The following KNDC1 variants were observed in gnomAD, a reference collection of about 807,000 sequenced individuals.
KNDC1 encodes kinase non-catalytic C-lobe domain-containing protein 1.
In KNDC1, 106 loss-of-function variants were observed where a neutral mutation model predicts 172.8. The ratio of observed to expected loss-of-function variants is 0.61; its 90% CI spans 0.52 to 0.72. KNDC1 has a LOEUF of 0.72. Ranked by LOEUF, KNDC1 falls within the 30% of genes least tolerant of loss-of-function variation. The probability of loss-of-function intolerance (pLI) is 0.00; values close to 1 mark genes in which losing one functional copy is unlikely to be tolerated. For missense variants in KNDC1, 2,325 were observed against 2,394.5 expected (o/e 0.97, Z 0.61); for synonymous variants, 1,083 against 1,062.2 (o/e 1.02, Z -0.38).
At position 133,219,090 on chromosome 10, in the gene KNDC1, G is replaced by A; in HGVS notation, c.4860G>A (p.Glu1620=). 1 of 1,613,574 alleles carries A rather than the reference G, an allele frequency of 6.2e-7. No homozygotes were observed. The highest frequency in any genetic ancestry group is 8.5e-7 in the Non-Finnish European group (1 of 1,179,834). ...AEVMEELKAV[E]VFLKSDSLCL... ...TCATGGAGGAGCTGAAAGCCGTGGA[G>A]GTACCAGCACTTTACGTGGCCGGGC... is the stretch of plus-strand genomic sequence containing the variant. Residue 1620 remains glutamate, a splice_region_variant and synonymous_variant, in exon 28 of 30, where the codon GAG becomes GAA. Transcript: ENST00000304613.
At chr10:133,190,296 CCACCCTGCATTAAACACCCTGCAGTAAG>C (rs1208217509) in intron 9 of KNDC1, among the ~76,000 whole-genome samples, 2,472 of 136,030 alleles carry the variant, frequency 0.018, 74 homozygotes, top group African/African-American at 0.083. Context: ...CCTGCGCTAA[CCACCCTGCATTAAACACCCTGCAGTAAG>C]CACCCTGCAC....
chr10:133,193,007 ACCT>A (rs1417377103), intron 9 of KNDC1, among the ~76,000 whole-genome samples: 2 of 152,176 alleles, frequency 1.3e-5, no homozygotes, highest in African/African-American at 2.4e-5. Context: ...TCATAGTCAA[ACCT>A]CTGAATACTA....
chr10:133,222,490 GGTGTGTGTGT>G (rs372988806), intron 29 of KNDC1, among the ~76,000 whole-genome samples: 5 of 22,172 alleles, frequency 2.3e-4, no homozygotes, highest in Non-Finnish European at 4.2e-4. Flanking sequence ...TGCTCTTCCC[GGTGTGTGTGT>G]GTGTGTGTGA....
In KNDC1 at chr10:133,212,735, C is replaced by T; in HGVS notation, c.4256C>T (p.Pro1419Leu). 1 of 1,613,142 alleles carries T rather than the reference C, an allele frequency of 6.2e-7. No individual in the cohort carries two copies. The highest frequency in any genetic ancestry group is 8.5e-7 in the Non-Finnish European group (1 of 1,179,750). Residue 1419 changes from proline (P) to leucine (L), a missense_variant, in exon 24 of 30, where the codon CCC becomes CTC. By Grantham distance (98) the Pro-to-Leu change is moderately conservative (BLOSUM62 -3). Transcript: ENST00000304613. ...ISRKSFPWRL[P>L]RGNGLVLPPH... Reference sequence around the variant, plus strand: ...CTGCAGAGCTTCCCCTGGAGGCTGCCCCGAGGCAACGGGCTGGTGCTGCCG... The same window carrying T: ...CTGCAGAGCTTCCCCTGGAGGCTGCTCCGAGGCAACGGGCTGGTGCTGCCG...
chr10:133,199,704 C>T, intron 15 of KNDC1, 102 bp downstream of exon 15: 3 of 1,337,312 alleles, frequency 2.2e-6, no homozygotes, highest in Non-Finnish European at 3.1e-6. Context: ...CCCAACCCTC[C>T]GCTTCCATCT....
At chr10:133,164,525 C>T (rs762343444) in intron 1 of KNDC1, among the ~76,000 whole-genome samples, 8 of 152,182 alleles carry the variant, frequency 5.3e-5, no homozygotes, top group Non-Finnish European at 1.0e-4. Context: ...CAGCTGAGGC[C>T]GGCGTTGCTA....
At chr10:133,217,578 C>T (rs1206433993) in intron 26 of KNDC1, among the ~76,000 whole-genome samples, 2 of 152,256 alleles carry the variant, frequency 1.3e-5, no homozygotes, top group South Asian at 2.1e-4. Context: ...AAAATTATCA[C>T]GCCTGTGATC....
In KNDC1 at chr10:133,209,207, C is replaced by T. The variant is rs1029254783; in HGVS notation, c.3795-1404C>T. Among the ~76,000 whole-genome samples the T allele has an allele frequency of 6.8e-5, 10 of 146,172 alleles. No individual in the cohort carries two copies. The highest frequency in any genetic ancestry group is 4.1e-3 in the Middle Eastern group (1 of 244). On this transcript the variant is annotated intron_variant, in intron 20 of 29. Coordinates refer to ENST00000304613, the MANE Select transcript of KNDC1 (RefSeq NM_152643.8). This position sits in a 1 kb window ranked among gnomAD's most constrained non-coding sequence, Gnocchi z 4.9. Reference sequence around the variant, plus strand: ...CATGGGGTGTAGTGTGGCGTGTACACGTGTGTGGTTGGGTTTTGTGTGGTG... The same window carrying T: ...CATGGGGTGTAGTGTGGCGTGTACATGTGTGTGGTTGGGTTTTGTGTGGTG...
At chr10:133,182,152 G>C (rs1271359091) in intron 3 of KNDC1, among the ~76,000 whole-genome samples, 1 of 152,162 alleles carries the variant, frequency 6.6e-6, no homozygotes, top group Non-Finnish European at 1.5e-5. Flanking sequence ...CTAGCCTGGG[G>C]CCGCGGGATG....
At position 133,224,722 on chromosome 10, in the gene KNDC1, C is replaced by T. The variant is rs755409421; in HGVS notation, c.5082C>T (p.Pro1694=). 1.2e-5 allele frequency: 20 copies of T among 1,613,972 alleles called. No individual in the cohort carries two copies. The Admixed American group carries it at 1.3e-4, about 11-fold the overall frequency. The change falls in exon 30 of 30, where the codon CCC becomes CCT. Residue 1694 remains proline (P), a synonymous_variant. Transcript: ENST00000304613. This position sits in a 1 kb window ranked among gnomAD's most constrained non-coding sequence, Gnocchi z 5.4. ...AFQENPYTFS[P]DPKLQSYLKQ... is the part of the protein sequence containing the mutation. ...AGGAGAACCCTTACACCTTCAGCCC[C>T]GACCCCAAGCTCCAGTCGTACCTCA... is the stretch of plus-strand genomic sequence containing the variant.
Position 133,199,705 on chromosome 10 carries a change from G to A in KNDC1, c.2903+103G>A, listed in dbSNP as rs554751459. On this transcript the variant is annotated intron_variant, in intron 15 of 29. Coordinates refer to ENST00000304613, the MANE Select transcript of KNDC1 (RefSeq NM_152643.8). ...CCCAGCCTTCCCCTCCCAACCCTCC[G>A]CTTCCATCTCGCTGCTGTCTCCAGA... 7.1e-5 allele frequency: 92 copies of A among 1,300,622 alleles called. No individual in the cohort carries two copies. The East Asian group carries it at 1.8e-3, about 26-fold the overall frequency. The allele number at this position is 1,300,622 out of a possible 1,614,324, so 80.6% of individuals were successfully genotyped here.
intron 17 of KNDC1, among the ~76,000 whole-genome samples, chr10:133,206,113 T>C (rs1269500989): frequency 6.6e-6 from 1 of 152,110 alleles, no homozygotes; most frequent in African/African-American, 2.4e-5. Context: ...GGCAGGAGAA[T>C]CGCTTGAACC....
Position 133,163,535 on chromosome 10 carries a change from G to A in KNDC1, c.102+2966G>A, listed in dbSNP as rs548657468. Among the ~76,000 whole-genome samples the A allele has an allele frequency of 6.6e-6, 1 of 152,288 alleles. No individual in the cohort carries two copies. The highest frequency in any genetic ancestry group is 2.4e-5 in the African/African-American group (1 of 41,548). On this transcript the variant is annotated intron_variant, in intron 1 of 29. Coordinates refer to ENST00000304613, the MANE Select transcript of KNDC1 (RefSeq NM_152643.8). This position sits in a 1 kb window ranked among gnomAD's most constrained non-coding sequence, Gnocchi z 4.4. The stretch of plus-strand genomic sequence containing the variant: ...GGGGCCTGGCAGTGTGAAGAGAGCT[G>A]TCAGGAGGCCTGGGGATTGGCAGCC...
chr10:133,198,626 G>A lies in KNDC1; in HGVS notation c.2118G>A (p.Gln706=). The A allele has an allele frequency of 6.2e-7, 1 of 1,604,592 alleles. No individual in the cohort carries two copies. Among genetic ancestry groups the A allele is most frequent in the South Asian group, 1.1e-5 (1 of 89,634 alleles). ...AQEESEERGG[Q]REGEGEEKLS... Reference sequence around the variant, plus strand: ...AGGAGTCCGAGGAGAGGGGCGGCCAGAGGGAGGGAGAAGGTGAGGAGAAGC... The same window carrying A: ...AGGAGTCCGAGGAGAGGGGCGGCCAAAGGGAGGGAGAAGGTGAGGAGAAGC... The change falls in exon 14 of 30, where the codon CAG becomes CAA. Residue 706 remains glutamine (Q), a synonymous_variant. Coordinates refer to ENST00000304613, the MANE Select transcript of KNDC1 (RefSeq NM_152643.8).
chr10:133,176,516 G>A (rs1441803317), intron 3 of KNDC1, among the ~76,000 whole-genome samples: 1 of 152,174 alleles, frequency 6.6e-6, no homozygotes, highest in Non-Finnish European at 1.5e-5. Context: ...CATATGTGCA[G>A]TGGGCCCTGG....
intron 29 of KNDC1, among the ~76,000 whole-genome samples, chr10:133,221,428 T>C (rs9419031): frequency 0.47 from 70,756 of 151,968 alleles, 16,700 homozygotes; most frequent in East Asian, 0.66. Context: ...AGCCTCTCCT[T>C]GGAGCCCCAG....
At chr10:133,178,426 C>T (rs1853620292) in intron 3 of KNDC1, among the ~76,000 whole-genome samples, 1 of 152,162 alleles carries the variant, frequency 6.6e-6, no homozygotes, top group African/African-American at 2.4e-5. Context: ...ATTAGCGAAA[C>T]TACAGCAAGT....
chr10:133,214,029 C>T lies in KNDC1; in HGVS notation c.4584C>T (p.Tyr1528=), dbSNP rs371312657. The change falls in exon 26 of 30, where the codon TAC becomes TAT. Residue 1528 remains tyrosine (Y), a synonymous_variant. Coordinates refer to ENST00000304613, the MANE Select transcript of KNDC1 (RefSeq NM_152643.8). The part of the protein sequence containing the change: ...AKTCSLFLPN[Y]VQDKYLLQLL... ...CCTGCAGCTTATTTCTGCCCAATTA[C>T]GTTCAGGACAAGTATCTGTTACAGC... 3.8e-5 allele frequency: 62 copies of T among 1,614,074 alleles called. No homozygotes were observed. The highest frequency in any genetic ancestry group is 1.6e-4 in the Middle Eastern group (1 of 6,082).
intron 15 of KNDC1, 102 bp downstream of exon 15, chr10:133,199,704 C>A (rs2998138): frequency 8.2e-6 from 11 of 1,337,242 alleles, no homozygotes; most frequent in South Asian, 1.4e-5. Context: ...CCCAACCCTC[C>A]GCTTCCATCT....
Sources: gnomAD v4.1 joint callset for allele counts (sites outside exome capture counted in the v4.1 genomes callset) on GRCh38, gnomAD v4.1.1 for gene constraint, Gnocchi (gnomAD v3.1) non-coding constraint, MANE v1.5 for transcripts, NCBI Gene and HGNC (gene_info 2026-07-23, HGNC 2026-07-21) for gene names.